The following DPP10 variants were observed in gnomAD, a reference collection of about 807,000 sequenced individuals.
DPP10 encodes the protein dipeptidyl peptidase like 10.
Under a neutral mutation model 120.9 loss-of-function variants are expected in DPP10, and 33 were observed. That is an observed-to-expected ratio of 0.27 (90% CI 0.21 to 0.37). DPP10 has a LOEUF of 0.37. Ranked by LOEUF, DPP10 falls within the 10% of genes least tolerant of loss-of-function variation. DPP10 has a pLI of 1.00. For synonymous variants in DPP10, 337 were observed against 326.1 expected (o/e 1.03, Z -0.36); for missense variants, 816 against 942.8 (o/e 0.87, Z 1.76).
intron 1 of DPP10, among the ~76,000 whole-genome samples, chr2:114,763,378 G>A (rs991538050): frequency 2.6e-5 from 4 of 152,134 alleles, no homozygotes; most frequent in South Asian, 2.1e-4. Flanking sequence ...TTCAGCGGGC[G>A]CTAACACTGG....
chr2:114,870,200 C>G (rs1387962526), intron 1 of DPP10, among the ~76,000 whole-genome samples: 2 of 152,054 alleles, frequency 1.3e-5, no homozygotes, highest in African/African-American at 2.4e-5. Context: ...TCCAGCTATG[C>G]CTTATTGAGT....
intron 1 of DPP10, among the ~76,000 whole-genome samples, chr2:114,673,966 CA>C (rs1420066027): frequency 6.6e-6 from 1 of 152,024 alleles, no homozygotes; most frequent in African/African-American, 2.4e-5. Context: ...AAGGGATTTT[CA>C]TGAATTATTT....
At chr2:114,812,932 A>G (rs182119187) in intron 1 of DPP10, among the ~76,000 whole-genome samples, 1 of 152,222 alleles carries the variant, frequency 6.6e-6, no homozygotes, top group Admixed American at 6.5e-5. Context: ...AACACCACCC[A>G]TGATTCCGTA....
At chr2:115,787,604 A>G (rs1361462808) in intron 17 of DPP10, among the ~76,000 whole-genome samples, 3 of 152,196 alleles carry the variant, frequency 2.0e-5, no homozygotes, top group Non-Finnish European at 2.9e-5. Context: ...GCCAGTATCT[A>G]CATCTATCAT....
intron 1 of DPP10, among the ~76,000 whole-genome samples, chr2:115,233,140 T>C (rs1366093666): frequency 1.3e-5 from 2 of 152,078 alleles, no homozygotes; most frequent in Non-Finnish European, 2.9e-5. Flanking sequence ...ATGAAGTAAT[T>C]TATTCTGTTA....
At chr2:114,459,013 T>C (rs1678726536) in intron 1 of DPP10, among the ~76,000 whole-genome samples, 1 of 152,216 alleles carries the variant, frequency 6.6e-6, no homozygotes, top group Non-Finnish European at 1.5e-5. Context: ...TGACTGATAT[T>C]TTACTATATT....
At chr2:115,796,754 G>A (rs1192034785) in intron 19 of DPP10, among the ~76,000 whole-genome samples, 4 of 152,046 alleles carry the variant, frequency 2.6e-5, no homozygotes, top group African/African-American at 4.8e-5. Context: ...TGCAAAGAGT[G>A]TCTTGCTGAG....
chr2:115,690,354 G>A (rs952841216), intron 7 of DPP10, among the ~76,000 whole-genome samples: 5 of 151,862 alleles, frequency 3.3e-5, no homozygotes, highest in African/African-American at 2.4e-5. Flanking sequence ...TTTTTATTTT[G>A]AAATTATTAC....
At position 114,898,792 on chromosome 2, in the gene DPP10, A is replaced by G. The variant is rs545664674; in HGVS notation, c.61-410447A>G. ...GCTTTTAACCATTTTCTCCAGATACATGGTATCAATATATTCAAGAAAAGA... is the reference window on the plus strand; with the variant it reads ...GCTTTTAACCATTTTCTCCAGATACGTGGTATCAATATATTCAAGAAAAGA... On this transcript the variant is annotated intron_variant, in intron 1 of 25. Coordinates refer to ENST00000410059, the MANE Select transcript of DPP10 (RefSeq NM_020868.6). Among the ~76,000 whole-genome samples, 8 of 152,326 alleles carry G rather than the reference A, an allele frequency of 5.3e-5. No homozygotes were observed. In the South Asian group the frequency reaches 1.2e-3, roughly 24 times the overall value.
intron 1 of DPP10, among the ~76,000 whole-genome samples, chr2:114,529,473 C>A (rs897731758): frequency 1.3e-5 from 2 of 152,160 alleles, no homozygotes; most frequent in African/African-American, 2.4e-5. Context: ...CCTGTATGAG[C>A]TGACTCCTGT....
chr2:114,569,734 C>T (rs1183022886), intron 1 of DPP10, among the ~76,000 whole-genome samples: 3 of 152,106 alleles, frequency 2.0e-5, no homozygotes, highest in African/African-American at 7.2e-5. Flanking sequence ...GGTAAAGAGT[C>T]CTGCATGAGA....
At chr2:115,335,718 G>C (rs1332517504) in intron 2 of DPP10, among the ~76,000 whole-genome samples, 1 of 152,024 alleles carries the variant, frequency 6.6e-6, no homozygotes. Context: ...GCAAGGAGGG[G>C]TAGAAGTGAT....
At chr2:115,519,522 A>G (rs2077684746) in intron 4 of DPP10, among the ~76,000 whole-genome samples, 1 of 152,226 alleles carries the variant, frequency 6.6e-6, no homozygotes, top group Non-Finnish European at 1.5e-5. Context: ...TTAGTCAGCT[A>G]AGAAAAGAGA....
chr2:114,727,217 G>A (rs1370025997), intron 1 of DPP10, among the ~76,000 whole-genome samples: 1 of 152,176 alleles, frequency 6.6e-6, no homozygotes, highest in Non-Finnish European at 1.5e-5. Context: ...GGGAGCAGGC[G>A]ATGGCTGGCA....
At chr2:114,755,652 T>A (rs969029283) in intron 1 of DPP10, among the ~76,000 whole-genome samples, 3 of 152,156 alleles carry the variant, frequency 2.0e-5, no homozygotes, top group Non-Finnish European at 2.9e-5. Flanking sequence ...AATCTGAAGA[T>A]CCTATCCACT....
intron 1 of DPP10, among the ~76,000 whole-genome samples, chr2:114,469,822 C>T (rs1189300705): frequency 2.0e-5 from 3 of 152,184 alleles, no homozygotes; most frequent in Non-Finnish European, 4.4e-5. Context: ...GACACTTCCA[C>T]AGTGAGTTTG....
intron 3 of DPP10, among the ~76,000 whole-genome samples, chr2:115,363,386 A>G (rs1392985095): frequency 6.6e-6 from 1 of 152,214 alleles, no homozygotes; most frequent in Admixed American, 6.5e-5. Context: ...TGTAGACCAT[A>G]AGGATTGCCT....
At chr2:115,257,817 T>G (rs1257836631) in intron 1 of DPP10, among the ~76,000 whole-genome samples, 1 of 152,178 alleles carries the variant, frequency 6.6e-6, no homozygotes, top group African/African-American at 2.4e-5. Context: ...ATAACCTATT[T>G]TGTCTTCTCG....
intron 1 of DPP10, among the ~76,000 whole-genome samples, chr2:114,908,562 T>C (rs1038269449): frequency 1.3e-5 from 2 of 151,916 alleles, no homozygotes; most frequent in Admixed American, 6.6e-5. Context: ...TTTAATCTTA[T>C]AAAGCTCTAT....
Sources: gnomAD v4.1 joint callset for allele counts (sites outside exome capture counted in the v4.1 genomes callset) on GRCh38, gnomAD v4.1.1 for gene constraint, MANE v1.5 for transcripts, NCBI Gene and HGNC (gene_info 2026-07-23, HGNC 2026-07-21) for gene names.